The following DDX54 variants were observed in gnomAD, a reference collection of about 807,000 sequenced individuals.
DDX54 encodes ATP-dependent RNA helicase DDX54.
DDX54 carries 67 observed loss-of-function variants against 105.5 expected under a neutral mutation model. The ratio of observed to expected loss-of-function variants is 0.64; its 90% CI spans 0.52 to 0.78. The LOEUF (loss-of-function observed/expected upper bound fraction) is 0.78. Among genes scored for constraint, DDX54 ranks in the 30% least tolerant of loss-of-function variants. The probability of loss-of-function intolerance (pLI) is 0.00; values close to 1 mark genes in which losing one functional copy is unlikely to be tolerated. For missense variants in DDX54, 1,206 were observed against 1,230.5 expected (o/e 0.98, Z 0.30); for synonymous variants, 514 against 509.9 (o/e 1.01, Z -0.11).
intron 19 of DDX54, among the ~76,000 whole-genome samples, chr12:113,160,207 G>C (rs1283217384): frequency 6.6e-6 from 1 of 152,194 alleles, no homozygotes; most frequent in Non-Finnish European, 1.5e-5. Flanking sequence ...GAGCCACAGA[G>C]AACAGGCCCA....
intron 3 of DDX54, 48 bp downstream of exon 3, chr12:113,179,887 C>T: frequency 1.2e-6 from 2 of 1,600,980 alleles, no homozygotes; most frequent in Non-Finnish European, 1.7e-6. Flanking sequence ...AGAGGAGGGC[C>T]ATGTCACTCC....
chr12:113,164,197 C>T lies in DDX54; in HGVS notation c.1808G>A (p.Arg603His), dbSNP rs745483675. 21 of 1,574,594 alleles carry T rather than the reference C, an allele frequency of 1.3e-5. No homozygotes were observed. Among genetic ancestry groups the T allele is most frequent in the South Asian group, 7.0e-5 (6 of 86,284 alleles). The part of the protein sequence containing the change: ...KRQKDRKAIA[R>H]FQQGQQGRQE... ...CCGCCCCTGCTGTCCCTGCTGGAAGCGGGCGATGGCCTTGCGGTCCTTCTG... is the reference window on the plus strand; with the variant it reads ...CCGCCCCTGCTGTCCCTGCTGGAAGTGGGCGATGGCCTTGCGGTCCTTCTG... Residue 603 changes from arginine (R) to histidine (H), a missense_variant, in exon 15 of 20, where the codon CGC (arginine) becomes CAC (histidine). Around this residue, in one of 3 missense-constraint regions of DDX54, gnomAD observed 961 missense variants for 1,019.1 expected, o/e 0.94. Coordinates refer to ENST00000306014, the MANE Select transcript of DDX54 (RefSeq NM_024072.4).
rs1434425369 is a variant in DDX54 at position 113,164,166 on chromosome 12, C to T, written c.1839G>A (p.Glu613=). The change falls in exon 15 of 20, where the codon GAG becomes GAA. Residue 613 remains glutamate, a synonymous_variant. Transcript: ENST00000306014. ...RFQQGQQGRQ[E]QQEGPVGPAP... is the part of the protein sequence containing the mutation. ...CTGGGCCCACTGGGCCCTCCTGCTGCTCCTGCCGCCCCTGCTGTCCCTGCT... is the reference window on the plus strand; with the variant it reads ...CTGGGCCCACTGGGCCCTCCTGCTGTTCCTGCCGCCCCTGCTGTCCCTGCT... 5 of 1,556,938 alleles carry T rather than the reference C, an allele frequency of 3.2e-6. No homozygotes were observed. Among genetic ancestry groups the T allele is most frequent in the East Asian group, 4.8e-5 (2 of 41,744 alleles).
chr12:113,179,069 C>T, intron 4 of DDX54, 43 bp from the exon 5 acceptor site: 1 of 1,613,564 alleles, frequency 6.2e-7, no homozygotes, highest in Non-Finnish European at 8.5e-7. Context: ...GGTGAGATGA[C>T]AGCACACTCG....
intron 10 of DDX54, among the ~76,000 whole-genome samples, chr12:113,173,337 A>G (rs747295308): frequency 3.9e-5 from 6 of 152,170 alleles, no homozygotes; most frequent in Admixed American, 6.6e-5. Flanking sequence ...AGCCTGGCCA[A>G]AGGAGCAAAA....
intron 17 of DDX54, among the ~76,000 whole-genome samples, chr12:113,162,387 G>A (rs967924717): frequency 2.0e-5 from 3 of 152,174 alleles, no homozygotes; most frequent in African/African-American, 7.2e-5. Context: ...AGAAAGACTT[G>A]CCAGCAAAAA....
At chr12:113,172,846 G>A (rs1952356613) in intron 10 of DDX54, among the ~76,000 whole-genome samples, 1 of 152,242 alleles carries the variant, frequency 6.6e-6, no homozygotes, top group African/African-American at 2.4e-5. Flanking sequence ...CAGTGCACAA[G>A]CCTTATCCGG....
chr12:113,175,831 T>C (rs1198183791), intron 7 of DDX54, among the ~76,000 whole-genome samples: 2 of 151,838 alleles, frequency 1.3e-5, no homozygotes, highest in African/African-American at 2.4e-5. Context: ...CGCATGCCTA[T>C]ATTCCCAGCT....
Position 113,169,858 on chromosome 12 carries a change from C to T in DDX54, c.1326G>A (p.Val442=), listed in dbSNP as rs530830810. The T allele has an allele frequency of 1.9e-6, 3 of 1,614,018 alleles. No individual in the cohort carries two copies. The East Asian group carries it at 6.7e-5, about 36-fold the overall frequency. The change falls in exon 12 of 20, where the codon GTG becomes GTA. Residue 442 remains valine (V), a synonymous_variant. Transcript: ENST00000306014. ...GCAGGTAGGGGATTTCATCAGGGGCCACCAAGGAGTAGGCTGTGCCACTTC... is the reference window on the plus strand; with the variant it reads ...GCAGGTAGGGGATTTCATCAGGGGCTACCAAGGAGTAGGCTGTGCCACTTC... ...AGRSGTAYSL[V]APDEIPYLLD...
rs202200716 is a variant in DDX54, at chr12:113,165,893, C to T, written c.1554G>A (p.Gln518=). 3 of 1,613,816 alleles carry T rather than the reference C, an allele frequency of 1.9e-6. No individual in the cohort carries two copies. Among genetic ancestry groups the T allele is most frequent in the Admixed American group, 3.3e-5 (2 of 60,026 alleles). The part of the protein sequence containing the change: ...LARVADNAQQ[Q]YVRSRPAPSP... The stretch of plus-strand genomic sequence containing the variant: ...AGGGCGCCGGGCGTGAGCGCACATA[C>T]TGCTGCTGGGCGTTATCAGCAACGC... Residue 518 remains glutamine (Q), a synonymous_variant, in exon 13 of 20, where the codon CAG becomes CAA. Coordinates refer to ENST00000306014, the MANE Select transcript of DDX54 (RefSeq NM_024072.4).
chr12:113,179,209 C>T lies in DDX54; in HGVS notation c.498G>A (p.Gly166=). 1 of 1,614,106 alleles carries T rather than the reference C, an allele frequency of 6.2e-7. No individual in the cohort carries two copies. Among genetic ancestry groups the T allele is most frequent in the Non-Finnish European group, 8.5e-7 (1 of 1,180,004 alleles). Residue 166 remains glycine (G), a synonymous_variant, in exon 4 of 20, where the codon GGG becomes GGA. Coordinates refer to ENST00000306014, the MANE Select transcript of DDX54 (RefSeq NM_024072.4). ...TCGGCGAGAGGATGAGGGCGCGGGC[C>T]CCGGTCTGGGCACTGTGGGTCTTGA... The part of the protein sequence containing the change: ...ERLKTHSAQT[G]ARALILSPTR...
Position 113,172,262 on chromosome 12 carries a change from T to C in DDX54, c.1279+91A>G. On this transcript the variant is annotated intron_variant, in intron 11 of 19. Transcript: ENST00000306014. ...TAAAACAAGGCCCACAGCCACCCCA[T>C]GTGCAGTGTCAAGAGTTAAGCCTTG... 4.3e-6 allele frequency: 6 copies of C among 1,408,924 alleles called. No homozygotes were observed. In the South Asian group the frequency reaches 6.3e-5, roughly 15 times the overall value. 87.3% of individuals were successfully genotyped at this position (1,408,924 alleles called of 1,614,324 possible). A position where few individuals can be genotyped will look rare whatever the true frequency, so the allele number is the denominator to read the frequency against.
At chr12:113,169,199 T>G (rs548218940) in intron 12 of DDX54, among the ~76,000 whole-genome samples, 149 of 152,204 alleles carry the variant, frequency 9.8e-4, no homozygotes, top group African/African-American at 3.4e-3. Context: ...TGGGAAATCC[T>G]GAGTTTAAAA....
chr12:113,176,853 C>T lies in DDX54; in HGVS notation c.739G>A (p.Asp247Asn). 1.2e-6 allele frequency: 2 copies of T among 1,614,126 alleles called. No individual in the cohort carries two copies. The highest frequency in any genetic ancestry group is 1.7e-6 in the Non-Finnish European group (2 of 1,180,020). The change falls in exon 7 of 20, where the codon GAT (aspartate) becomes AAT (asparagine). Residue 247 changes from aspartate (D) to asparagine (N), a missense_variant. Physicochemically the swap from Asp to Asn is conservative, Grantham distance 23. This residue lies in a region of DDX54 where 961 missense variants were observed against 1,019.1 expected (regional missense o/e 0.94). Coordinates refer to ENST00000306014, the MANE Select transcript of DDX54 (RefSeq NM_024072.4). ...KLQSVEYVVF[D>N]EADRLFEMGF... ...CTGCAGCCTTACCGGTCAGCTTCAT[C>T]GAACACCACGTATTCCACACTCTGC...
intron 10 of DDX54, among the ~76,000 whole-genome samples, 197 bp downstream of exon 10, chr12:113,174,443 T>C (rs1454073226): frequency 2.0e-5 from 3 of 152,176 alleles, no homozygotes; most frequent in Non-Finnish European, 4.4e-5. Flanking sequence ...GCCACGATTG[T>C]GCCACTGCAC....
At chr12:113,164,405 C>T (rs995980299) in intron 14 of DDX54, 120 bp from the exon 15 acceptor site, 2 of 1,251,828 alleles carry the variant, frequency 1.6e-6, no homozygotes, top group African/African-American at 3.0e-5. Flanking sequence ...CCATTATCTG[C>T]ACTTCACAAT....
At chr12:113,164,352 G>T in intron 14 of DDX54, 67 bp from the exon 15 acceptor site, 1 of 1,488,886 alleles carries the variant, frequency 6.7e-7, no homozygotes, top group South Asian at 1.3e-5. Flanking sequence ...TTACCACTTG[G>T]TGGGCTTCCT....
At chr12:113,185,237 G>A in intron 1 of DDX54, 41 bp downstream of exon 1, 2 of 1,453,642 alleles carry the variant, frequency 1.4e-6, no homozygotes, top group Non-Finnish European at 1.8e-6. Context: ...CCCGGAGCCG[G>A]GTCTCGGGCC....
intron 3 of DDX54, among the ~76,000 whole-genome samples, 167 bp downstream of exon 3, chr12:113,179,768 G>C (rs1051965049): frequency 3.9e-5 from 6 of 152,162 alleles, no homozygotes; most frequent in African/African-American, 1.4e-4. Flanking sequence ...TGCTCGGCTC[G>C]GCCCAACCTT....
Sources: gnomAD v4.1 joint callset for allele counts (sites outside exome capture counted in the v4.1 genomes callset) on GRCh38, gnomAD v4.1.1 for gene constraint, gnomAD v4.1.1 regional missense constraint, MANE v1.5 for transcripts, NCBI Gene and HGNC (gene_info 2026-07-23, HGNC 2026-07-21) for gene names.